PHACTR1: variants seen among roughly 807,000 people sequenced by gnomAD.
PHACTR1 encodes RPEL repeat containing 1.
PHACTR1 carries 16 observed loss-of-function variants against 69.2 expected under a neutral mutation model. That is an observed-to-expected ratio of 0.23 (90% CI 0.16 to 0.35). The LOEUF (loss-of-function observed/expected upper bound fraction) is 0.35. Among genes scored for constraint, PHACTR1 ranks in the 10% least tolerant of loss-of-function variants. The pLI is 1.00. For synonymous variants in PHACTR1, 312 were observed against 284.5 expected, an observed-to-expected ratio of 1.10 and a Z score of -0.97; for missense variants, 510 against 734.7, an observed-to-expected ratio of 0.69 and a Z score of 3.54.
intron 3 of PHACTR1, among the ~76,000 whole-genome samples, chr6:12,747,668 T>G (rs901476665): frequency 2.0e-5 from 3 of 152,076 alleles, no homozygotes; most frequent in Non-Finnish European, 4.4e-5. Flanking sequence ...TGCTGAAAAT[T>G]TAATTACTAT....
At chr6:12,768,605 C>T (rs1365115216) in intron 4 of PHACTR1, among the ~76,000 whole-genome samples, 1 of 152,034 alleles carries the variant, frequency 6.6e-6, no homozygotes, top group Non-Finnish European at 1.5e-5. Context: ...AGGTTGACTC[C>T]ATATCTCAGC....
chr6:12,867,745 A>G (rs1781598721), intron 4 of PHACTR1, among the ~76,000 whole-genome samples: 1 of 152,202 alleles, frequency 6.6e-6, no homozygotes, highest in African/African-American at 2.4e-5. Context: ...ACATTGCAAG[A>G]TGGTGAAATA....
intron 4 of PHACTR1, among the ~76,000 whole-genome samples, chr6:12,949,012 T>C (rs1423434929): frequency 6.6e-6 from 1 of 152,170 alleles, no homozygotes; most frequent in Non-Finnish European, 1.5e-5. Context: ...GGCTCACGCC[T>C]GTAATCCCAG....
At chr6:12,768,119 T>TG (rs1768882986) in intron 4 of PHACTR1, among the ~76,000 whole-genome samples, 1 of 145,208 alleles carries the variant, frequency 6.9e-6, no homozygotes, top group African/African-American at 2.6e-5. Flanking sequence ...CTTTTTTTTT[T>TG]TTTTTTTTTT....
At chr6:13,191,847 C>T (rs1381058143) in intron 7 of PHACTR1, among the ~76,000 whole-genome samples, 1 of 152,236 alleles carries the variant, frequency 6.6e-6, no homozygotes, top group Non-Finnish European at 1.5e-5. Flanking sequence ...TTTTTATACT[C>T]ACTTTTCTAC....
At chr6:13,129,955 C>T (rs1376410451) in intron 5 of PHACTR1, among the ~76,000 whole-genome samples, 3 of 152,004 alleles carry the variant, frequency 2.0e-5, no homozygotes, top group Admixed American at 2.0e-4. Flanking sequence ...CCCAAGTATC[C>T]TCTCAAACCA....
intron 4 of PHACTR1, among the ~76,000 whole-genome samples, chr6:12,777,218 G>GTT (rs199840865): frequency 0.045 from 6,681 of 147,774 alleles, 233 homozygotes; most frequent in Admixed American, 0.079. Flanking sequence ...TCAGACTACG[G>GTT]TTTTATATAT....
At chr6:13,034,653 G>A (rs897145826) in intron 4 of PHACTR1, among the ~76,000 whole-genome samples, 1 of 152,136 alleles carries the variant, frequency 6.6e-6, no homozygotes, top group African/African-American at 2.4e-5. Context: ...GAGAGGACTT[G>A]TTTGCCAGAC....
intron 4 of PHACTR1, among the ~76,000 whole-genome samples, chr6:12,876,875 C>T (rs537521464): frequency 2.2e-4 from 33 of 152,202 alleles, no homozygotes; most frequent in African/African-American, 7.9e-4. Flanking sequence ...TCAGTCTGAG[C>T]CTAAAGGCCT....
intron 4 of PHACTR1, among the ~76,000 whole-genome samples, chr6:12,944,777 A>ATTTATTTTTTTTTTTT (rs1554172498): frequency 3.7e-5 from 5 of 135,764 alleles, no homozygotes; most frequent in African/African-American, 1.4e-4. Context: ...TTATTTATTT[A>ATTTATTTTTTTTTTTT]TTTTTATTTA....
At chr6:13,024,029 A>T (rs1231608085) in intron 4 of PHACTR1, among the ~76,000 whole-genome samples, 1 of 151,824 alleles carries the variant, frequency 6.6e-6, no homozygotes, top group Non-Finnish European at 1.5e-5. Context: ...GTGAGCTGAG[A>T]TCGAGCCACT....
intron 6 of PHACTR1, among the ~76,000 whole-genome samples, chr6:13,162,793 T>C (rs1396762174): frequency 6.6e-6 from 1 of 152,102 alleles, no homozygotes; most frequent in Admixed American, 6.5e-5. Flanking sequence ...TCCCTGAGAC[T>C]GGAGGGTCCC....
chr6:13,007,497 TAAC>T (rs1438911729), intron 4 of PHACTR1, among the ~76,000 whole-genome samples: 1 of 152,114 alleles, frequency 6.6e-6, no homozygotes, highest in East Asian at 1.9e-4. Flanking sequence ...AAATTTTTTT[TAAC>T]TTAGAATAAG....
chr6:13,126,423 A>C (rs1432541691), intron 5 of PHACTR1, among the ~76,000 whole-genome samples: 1 of 152,226 alleles, frequency 6.6e-6, no homozygotes, highest in Non-Finnish European at 1.5e-5. Context: ...AAAGTGTACT[A>C]AATGCTAGCT....
intron 4 of PHACTR1, among the ~76,000 whole-genome samples, chr6:12,773,389 C>T (rs1436685614): frequency 6.6e-6 from 1 of 152,084 alleles, no homozygotes; most frequent in Non-Finnish European, 1.5e-5. Context: ...GGTATATTTC[C>T]CCAATTAACT....
chr6:12,732,948 C>T (rs1448707452), intron 3 of PHACTR1, among the ~76,000 whole-genome samples: 2 of 152,210 alleles, frequency 1.3e-5, no homozygotes, highest in Non-Finnish European at 2.9e-5. Flanking sequence ...GAGTCTCTGA[C>T]TAATACCTCG....
At chr6:13,007,200 T>C (rs1414743398) in intron 4 of PHACTR1, among the ~76,000 whole-genome samples, 1 of 152,232 alleles carries the variant, frequency 6.6e-6, no homozygotes, top group Non-Finnish European at 1.5e-5. Context: ...CTTTATTTTA[T>C]TTTATTGTAA....
intron 4 of PHACTR1, among the ~76,000 whole-genome samples, chr6:12,778,359 G>A (rs369589654): frequency 6.6e-6 from 1 of 152,216 alleles, no homozygotes; most frequent in Admixed American, 6.5e-5. Context: ...TGCTTAAAAT[G>A]TGAATATGGT....
chr6:12,881,796 A>G (rs1473440838), intron 4 of PHACTR1, among the ~76,000 whole-genome samples: 2 of 152,158 alleles, frequency 1.3e-5, no homozygotes, highest in East Asian at 3.9e-4. Context: ...CATACACTTG[A>G]ATACGTGAAT....
Sources: allele counts gnomAD v4.1 joint callset (sites outside exome capture counted in the v4.1 genomes callset), GRCh38; gene constraint gnomAD v4.1.1; transcripts MANE v1.5; gene names NCBI Gene and HGNC (gene_info 2026-07-23, HGNC 2026-07-21).